SETD2: variants seen among roughly 807,000 people sequenced by gnomAD.
The protein encoded by SETD2 is SET domain containing 2, histone lysine methyltransferase, also known as histone-lysine N-methyltransferase SETD2.
A neutral mutation model predicts 242.1 loss-of-function variants in SETD2; 31 were observed. The observed-to-expected ratio is 0.13, with a 90% CI of 0.10 to 0.17. The LOEUF (loss-of-function observed/expected upper bound fraction) is 0.17, where lower values mean the gene tolerates loss of function less well. Ranked by LOEUF, SETD2 falls within the 10% of genes least tolerant of loss-of-function variation. SETD2 has a pLI of 1.00. For missense variants in SETD2, 2,481 were observed against 3,046.3 expected (o/e 0.81, Z 4.37); for synonymous variants, 1,006 against 1,066.5 (o/e 0.94, Z 1.11).
intron 1 of SETD2, chr3:47,145,460 T>C: frequency 2.4e-6 from 1 of 410,060 alleles, no homozygotes; most frequent in South Asian, 1.8e-5. Context: ...AGTAGTACAA[T>C]CCCAGCTTGC....
intron 7 of SETD2, among the ~76,000 whole-genome samples, chr3:47,102,760 C>G (rs1182393813): frequency 7.1e-6 from 1 of 140,984 alleles, no homozygotes; most frequent in Non-Finnish European, 1.5e-5. Context: ...TGTCACTGCG[C>G]TCCAGCCTGG....
At chr3:47,125,039 T>A (rs1235622903) in intron 2 of SETD2, among the ~76,000 whole-genome samples, 2 of 151,986 alleles carry the variant, frequency 1.3e-5, no homozygotes, top group Non-Finnish European at 1.5e-5. Flanking sequence ...CTCATCTGGG[T>A]CGAGCACAGT....
At chr3:47,101,424 C>T (rs2107682450) in intron 8 of SETD2, 34 bp downstream of exon 8, 1 of 1,293,800 alleles carries the variant, frequency 7.7e-7, no homozygotes, top group Non-Finnish European at 1.1e-6. Context: ...ATTTCCCCAT[C>T]AGAAGCAGCA....
intron 1 of SETD2, among the ~76,000 whole-genome samples, chr3:47,160,189 C>T (rs1032786735): frequency 6.6e-6 from 1 of 152,190 alleles, no homozygotes; most frequent in Non-Finnish European, 1.5e-5. Context: ...AGGATACTCA[C>T]CCAGTATACC....
intron 1 of SETD2, among the ~76,000 whole-genome samples, chr3:47,130,236 T>C (rs1239706471): frequency 6.6e-6 from 1 of 152,018 alleles, no homozygotes; most frequent in African/African-American, 2.4e-5. Context: ...CCCTAGATAA[T>C]AGACAGGGAG....
chr3:47,146,466 A>G (rs2043858077), intron 1 of SETD2, among the ~76,000 whole-genome samples: 1 of 152,038 alleles, frequency 6.6e-6, no homozygotes, highest in Non-Finnish European at 1.5e-5. Flanking sequence ...CGTCTCTACT[A>G]AAAATACAAA....
intron 9 of SETD2, among the ~76,000 whole-genome samples, chr3:47,097,721 T>C (rs111841241): frequency 9.8e-4 from 150 of 152,322 alleles, no homozygotes; most frequent in African/African-American, 3.4e-3. Context: ...TTAAAGAATC[T>C]GAAAAACTAT....
chr3:47,087,359 T>C (rs1473787540), intron 10 of SETD2, among the ~76,000 whole-genome samples: 3 of 152,172 alleles, frequency 2.0e-5, no homozygotes, highest in African/African-American at 7.2e-5. Flanking sequence ...GGATTCAGGA[T>C]GAAACTGTTC....
rs115099202 is a variant in SETD2, at chr3:47,145,837, C to T, written c.71+18017G>A. Among the ~76,000 whole-genome samples the T allele has an allele frequency of 9.1e-3, 1,379 of 151,606 alleles. 19 individuals carry two copies. Among genetic ancestry groups the T allele is most frequent in the African/African-American group, 0.032 (1,306 of 41,320 alleles). On this transcript the variant is annotated intron_variant, in intron 1 of 20. Transcript: ENST00000409792. ...TTTGAGACTGGCCTGGACAACATAG[C>T]GAGGCTCTGTCTCTACAAAAAATAA...
intron 8 of SETD2, among the ~76,000 whole-genome samples, chr3:47,099,933 T>C (rs900657725): frequency 2.0e-5 from 3 of 152,212 alleles, no homozygotes; most frequent in African/African-American, 7.2e-5. Context: ...AAGTCATGAA[T>C]TGGTTGACTA....
chr3:47,107,717 TG>T (rs2042482779), intron 5 of SETD2, among the ~76,000 whole-genome samples: 3 of 37,048 alleles, frequency 8.1e-5, no homozygotes, highest in Non-Finnish European at 1.8e-4. Context: ...TCACTTTGGG[TG>T]GCGGGGGGGG....
intron 16 of SETD2, among the ~76,000 whole-genome samples, chr3:47,044,624 CCT>C (rs1345265989): frequency 4.6e-5 from 7 of 152,094 alleles, no homozygotes; most frequent in Non-Finnish European, 1.5e-5. Context: ...CCCATGCCAA[CCT>C]CTTATTTTCC....
chr3:47,046,842 T>A, intron 15 of SETD2: 1 of 321,870 alleles, frequency 3.1e-6, no homozygotes, highest in Non-Finnish European at 5.6e-6. Context: ...TTTTACTTTA[T>A]CATAAGAAAA....
chr3:47,082,109 T>C (rs1291368515), intron 12 of SETD2, among the ~76,000 whole-genome samples: 1 of 152,222 alleles, frequency 6.6e-6, no homozygotes, highest in Non-Finnish European at 1.5e-5. Context: ...TTACATCTAA[T>C]TGGGTTAAGT....
intron 1 of SETD2, among the ~76,000 whole-genome samples, chr3:47,145,851 T>C (rs913227567): frequency 1.3e-5 from 2 of 151,294 alleles, no homozygotes; most frequent in African/African-American, 4.9e-5. Context: ...GCTCTGTCTC[T>C]ACAAAAAATA....
At chr3:47,132,532 T>C (rs2043503833) in intron 1 of SETD2, among the ~76,000 whole-genome samples, 1 of 152,158 alleles carries the variant, frequency 6.6e-6, no homozygotes, top group African/African-American at 2.4e-5. Flanking sequence ...ACACTTAAGA[T>C]TCCTTGACAT....
chr3:47,050,607 C>T (rs933232701), intron 15 of SETD2, among the ~76,000 whole-genome samples: 2 of 151,770 alleles, frequency 1.3e-5, no homozygotes, highest in East Asian at 1.9e-4. Flanking sequence ...GATGCTCTAC[C>T]ACTAAGTATA....
intron 13 of SETD2, among the ~76,000 whole-genome samples, chr3:47,064,940 T>C (rs951615805): frequency 7.9e-5 from 12 of 152,064 alleles, no homozygotes; most frequent in African/African-American, 1.7e-4. Flanking sequence ...TGAAAAGATA[T>C]AGTTGTTCAT....
intron 17 of SETD2, among the ~76,000 whole-genome samples, chr3:47,041,031 T>G (rs2039254813): frequency 6.6e-6 from 1 of 152,182 alleles, no homozygotes; most frequent in Non-Finnish European, 1.5e-5. Context: ...AAGATTAGTG[T>G]CCCTAAGGAT....
Sources: allele counts gnomAD v4.1 joint callset (sites outside exome capture counted in the v4.1 genomes callset), GRCh38; gene constraint gnomAD v4.1.1; transcripts MANE v1.5; gene names NCBI Gene and HGNC (gene_info 2026-07-23, HGNC 2026-07-21).